The following RHBDD1 variants were observed in gnomAD, a reference collection of about 807,000 sequenced individuals.
RHBDD1 encodes rhomboid domain containing 1, also known as rhomboid-related protein 4.
Under a neutral mutation model 36.3 loss-of-function variants are expected in RHBDD1, and 38 were observed. The ratio of observed to expected loss-of-function variants is 1.05; its 90% CI spans 0.81 to 1.37. The LOEUF is 1.37. Ranked by LOEUF, RHBDD1 falls within the 40% of genes most tolerant of loss-of-function variation. The probability of loss-of-function intolerance (pLI) is 0.00; values close to 1 mark genes in which losing one functional copy is unlikely to be tolerated. For synonymous variants in RHBDD1, 151 were observed against 136.5 expected, an observed-to-expected ratio of 1.11 and a Z score of -0.74; for missense variants, 393 against 377.6, an observed-to-expected ratio of 1.04 and a Z score of -0.34.
rs80271565 is a variant in RHBDD1, at chr2:226,914,330, C to A, written c.835C>A (p.Gln279Lys). 1 of 1,613,280 alleles carries A rather than the reference C, an allele frequency of 6.2e-7. No homozygotes were observed. The highest frequency in any genetic ancestry group is 2.2e-5 in the East Asian group (1 of 44,826). ...SEEEQLERALQASLWDRGNTR... is the reference protein window; with the variant it reads ...SEEEQLERALKASLWDRGNTR... ...AGAAGAACAGCTCGAGAGAGCATTA[C>A]AAGCCAGCCTCTGGGACCGAGGTAG... Residue 279 changes from glutamine to lysine, a missense_variant, in exon 8 of 9, where the codon CAA (glutamine) becomes AAA (lysine). Coordinates refer to ENST00000392062, the MANE Select transcript of RHBDD1 (RefSeq NM_001167608.3).
intron 8 of RHBDD1, among the ~76,000 whole-genome samples, chr2:226,990,523 A>G (rs574120115): frequency 2.8e-4 from 42 of 152,342 alleles, no homozygotes; most frequent in African/African-American, 1.0e-3. Flanking sequence ...GGATCTATGA[A>G]TAGCAGCAAA....
chr2:226,884,156 T>C (rs527969029), intron 5 of RHBDD1, among the ~76,000 whole-genome samples: 1 of 152,318 alleles, frequency 6.6e-6, no homozygotes, highest in South Asian at 2.1e-4. Flanking sequence ...GCAGGAATGT[T>C]TTAAAATAGA....
At chr2:226,853,091 T>C (rs1942986385) in intron 3 of RHBDD1, among the ~76,000 whole-genome samples, 2 of 152,098 alleles carry the variant, frequency 1.3e-5, no homozygotes, top group Admixed American at 1.3e-4. Flanking sequence ...TTTCTTATTA[T>C]TAAATTCTAA....
intron 8 of RHBDD1, among the ~76,000 whole-genome samples, chr2:226,919,983 C>G (rs1949195729): frequency 6.6e-6 from 1 of 151,812 alleles, no homozygotes; most frequent in Admixed American, 6.6e-5. Flanking sequence ...CTTTTTGTGT[C>G]TGCTTCAATG....
At chr2:226,964,154 G>A (rs940093617) in intron 8 of RHBDD1, among the ~76,000 whole-genome samples, 3 of 152,140 alleles carry the variant, frequency 2.0e-5, no homozygotes, top group African/African-American at 7.2e-5. Context: ...GTAACACACA[G>A]CAGCCTTTCA....
intron 8 of RHBDD1, among the ~76,000 whole-genome samples, chr2:226,939,953 A>G (rs904660498): frequency 1.3e-5 from 2 of 152,152 alleles, no homozygotes; most frequent in Non-Finnish European, 2.9e-5. Context: ...AGAACCCAGA[A>G]ATAAGACTGT....
chr2:226,969,617 T>G (rs980442756), intron 8 of RHBDD1, among the ~76,000 whole-genome samples: 3 of 152,172 alleles, frequency 2.0e-5, no homozygotes, highest in Non-Finnish European at 4.4e-5. Flanking sequence ...GAGTCCCGTT[T>G]GACAGACTTC....
upstream of RHBDD1, chr2:226,835,856 C>G: frequency 6.6e-6 from 1 of 152,592 alleles, no homozygotes; most frequent in Non-Finnish European, 1.5e-5. Context: ...CTGCCGCGGT[C>G]CTGCCCCGCT....
the RHBDD1 span, among the ~76,000 whole-genome samples, chr2:226,818,623 A>G: frequency 6.6e-6 from 1 of 151,526 alleles, no homozygotes; most frequent in Non-Finnish European, 1.5e-5. Context: ...GGTGGATCAG[A>G]AGGTCAGGCG....
chr2:226,933,787 C>T (rs1340846085), intron 8 of RHBDD1, among the ~76,000 whole-genome samples: 2 of 152,098 alleles, frequency 1.3e-5, no homozygotes, highest in Non-Finnish European at 2.9e-5. Context: ...TTCCAGCTTT[C>T]TACATCCCAA....
At chr2:226,914,734 G>A (rs534192894) in intron 8 of RHBDD1, 115 of 154,180 alleles carry the variant, frequency 7.5e-4, no homozygotes, top group Non-Finnish European at 1.3e-3. Context: ...ATAAACCTCC[G>A]ACAAATCTCC....
chr2:226,898,559 A>G (rs970641551), intron 5 of RHBDD1, among the ~76,000 whole-genome samples: 4 of 152,208 alleles, frequency 2.6e-5, no homozygotes, highest in Admixed American at 2.6e-4. Flanking sequence ...CAAGGGATGC[A>G]TGGTAGAGAG....
the RHBDD1 span, among the ~76,000 whole-genome samples, chr2:226,818,470 A>T: frequency 6.7e-6 from 1 of 149,928 alleles, no homozygotes; most frequent in Non-Finnish European, 1.5e-5. Context: ...CCAGCTCAGT[A>T]TTTTTTAAAT....
intron 8 of RHBDD1, among the ~76,000 whole-genome samples, chr2:226,975,880 C>T (rs543855398): frequency 6.6e-6 from 1 of 152,220 alleles, no homozygotes; most frequent in South Asian, 2.1e-4. Context: ...CCTTGTCCCT[C>T]TGAGGGTTCT....
chr2:226,887,355 C>T (rs1250440005), intron 5 of RHBDD1, among the ~76,000 whole-genome samples: 1 of 151,992 alleles, frequency 6.6e-6, no homozygotes, highest in Admixed American at 6.5e-5. Flanking sequence ...GAGTTCTTAC[C>T]CAGAGAACAT....
At chr2:226,865,617 A>C (rs1314321580) in intron 4 of RHBDD1, among the ~76,000 whole-genome samples, 1 of 152,204 alleles carries the variant, frequency 6.6e-6, no homozygotes, top group Admixed American at 6.5e-5. Context: ...TCGTGAGCCC[A>C]TCTTCAAGGC....
chr2:226,991,460 A>T (rs1274354112), intron 8 of RHBDD1, among the ~76,000 whole-genome samples: 2 of 152,210 alleles, frequency 1.3e-5, no homozygotes, highest in Non-Finnish European at 2.9e-5. Flanking sequence ...GATTACAGGC[A>T]TGAGCCACCA....
intron 8 of RHBDD1, among the ~76,000 whole-genome samples, chr2:226,944,956 G>A (rs1950876805): frequency 6.6e-6 from 1 of 152,062 alleles, no homozygotes; most frequent in Non-Finnish European, 1.5e-5. Context: ...CCCAGGAATA[G>A]GGAGACAGTC....
At chr2:226,878,740 A>C (rs1384860004) in intron 5 of RHBDD1, among the ~76,000 whole-genome samples, 1 of 152,226 alleles carries the variant, frequency 6.6e-6, no homozygotes, top group African/African-American at 2.4e-5. Context: ...CCTGACCCAC[A>C]GAATCTGTGA....
Sources: gnomAD v4.1 joint callset for allele counts (sites outside exome capture counted in the v4.1 genomes callset) on GRCh38, gnomAD v4.1.1 for gene constraint, MANE v1.5 for transcripts, NCBI Gene and HGNC (gene_info 2026-07-23, HGNC 2026-07-21) for gene names.